Variants in MCU observed in about 807,000 individuals in gnomAD.
MCU encodes calcium uniporter protein, mitochondrial.
Under a neutral mutation model 45.2 loss-of-function variants are expected in MCU, and 12 were observed. That is an observed-to-expected ratio of 0.27 (90% CI 0.17 to 0.43). MCU has a LOEUF of 0.43. Ranked by LOEUF, MCU falls within the 20% of genes least tolerant of loss-of-function variation. The probability of loss-of-function intolerance (pLI) is 1.00; values close to 1 mark genes in which losing one functional copy is unlikely to be tolerated. For synonymous variants in MCU, 160 were observed against 165.1 expected (o/e 0.97, Z 0.24); for missense variants, 324 against 436.7 (o/e 0.74, Z 2.30).
chr10:72,820,730 T>A (rs1364646422), intron 1 of MCU, among the ~76,000 whole-genome samples: 1 of 152,176 alleles, frequency 6.6e-6, no homozygotes, highest in Non-Finnish European at 1.5e-5. Context: ...CAGGCTGGTC[T>A]CGAACTCCTG....
Position 72,804,071 on chromosome 10 carries a change from TATAA to T in MCU, c.151-30286_151-30283del, listed in dbSNP as rs1184112521. 6.7e-4 allele frequency among the ~76,000 whole-genome samples: 40 copies of T among 59,404 alleles called. 5 individuals are homozygous for T. Among genetic ancestry groups the T allele is most frequent in the African/African-American group, 2.6e-3 (32 of 12,282 alleles). 39.0% of individuals were successfully genotyped at this position (59,404 alleles called of 152,430 possible). ...ATATATATATATATATATATATATA[TATAA>T]AATAAGAGTGCCAACAATTTACATT... On this transcript the variant is annotated intron_variant, in intron 1 of 7. Transcript: ENST00000373053.
At chr10:72,835,223 A>T (rs2132835897) in intron 2 of MCU, among the ~76,000 whole-genome samples, 1 of 152,290 alleles carries the variant, frequency 6.6e-6, no homozygotes, top group Middle Eastern at 3.4e-3. Context: ...TCCTTCGTAA[A>T]TGTCTATGAT....
intron 6 of MCU, among the ~76,000 whole-genome samples, chr10:72,872,518 T>C (rs1281954733): frequency 1.3e-5 from 2 of 152,286 alleles, no homozygotes; most frequent in South Asian, 2.1e-4. Flanking sequence ...CATGTGGTAG[T>C]TGTCTTTCTG....
rs375418775 is a variant in MCU, at chr10:72,860,177, A to G, written c.392-246A>G. ...ATTTCCAATGTACACCTATAGAACT[A>G]TGACCATTAATTATTTCACTTGTTC... On this transcript the variant is annotated intron_variant, in intron 3 of 7. Coordinates refer to ENST00000373053, the MANE Select transcript of MCU (RefSeq NM_138357.3). The G allele has an allele frequency of 3.6e-3, 1,626 of 446,022 alleles. 39 individuals are homozygous for G. The South Asian group carries it at 0.037, about 10-fold the overall frequency. The allele number at this position is 446,022 out of a possible 1,614,324, so 27.6% of individuals were successfully genotyped here. A position where few individuals can be genotyped will look rare whatever the true frequency, so the allele number is the denominator to read the frequency against.
chr10:72,784,783 C>T (rs1279681297), intron 1 of MCU, among the ~76,000 whole-genome samples: 1 of 152,172 alleles, frequency 6.6e-6, no homozygotes, highest in Non-Finnish European at 1.5e-5. Context: ...AGTTGCAGAG[C>T]AGCTTTGCCT....
At chr10:72,805,145 TTCTTTCTTTC>T (rs1372482799) in intron 1 of MCU, among the ~76,000 whole-genome samples, 2 of 139,488 alleles carry the variant, frequency 1.4e-5, no homozygotes, top group East Asian at 2.2e-4. Context: ...CTTTCTTTCT[TTCTTTCTTTC>T]TTTCTGTCTC....
At chr10:72,734,596 G>A (rs922117713) in intron 1 of MCU, among the ~76,000 whole-genome samples, 2 of 152,006 alleles carry the variant, frequency 1.3e-5, no homozygotes, top group African/African-American at 4.8e-5. Flanking sequence ...TTGAACCAAG[G>A]TTTTAATAAT....
At chr10:72,783,639 G>A (rs1844028597) in intron 1 of MCU, among the ~76,000 whole-genome samples, 1 of 152,150 alleles carries the variant, frequency 6.6e-6, no homozygotes, top group Non-Finnish European at 1.5e-5. Context: ...GGATTTTGTT[G>A]GGGGGAGCTG....
intron 2 of MCU, among the ~76,000 whole-genome samples, chr10:72,858,906 T>C (rs886276504): frequency 6.6e-6 from 1 of 152,158 alleles, no homozygotes; most frequent in African/African-American, 2.4e-5. Context: ...TCACCTGATA[T>C]CCTTGGGAAA....
At chr10:72,826,624 G>T (rs1335101869) in intron 1 of MCU, among the ~76,000 whole-genome samples, 2 of 152,158 alleles carry the variant, frequency 1.3e-5, no homozygotes, top group Non-Finnish European at 2.9e-5. Flanking sequence ...GCAGCCAAAT[G>T]AAGTTCTATT....
chr10:72,858,746 AAG>A (rs924180341), intron 2 of MCU, among the ~76,000 whole-genome samples: 1 of 152,180 alleles, frequency 6.6e-6, no homozygotes, highest in African/African-American at 2.4e-5. Context: ...GTTTTGGAGT[AAG>A]AGTCTCACTT....
intron 2 of MCU, among the ~76,000 whole-genome samples, chr10:72,850,591 T>C (rs1162338502): frequency 6.6e-6 from 1 of 152,238 alleles, no homozygotes; most frequent in Non-Finnish European, 1.5e-5. Flanking sequence ...ACTGTTTTTT[T>C]CAACTCCTGA....
rs567356638 is a variant in MCU at position 72,832,163 on chromosome 10, G to C, written c.151-2196G>C. On this transcript the variant is annotated intron_variant, in intron 1 of 7. Coordinates refer to ENST00000373053, the MANE Select transcript of MCU (RefSeq NM_138357.3). ...ATCACTGCAGCCTCTTCTAACTCCTGGGCTCAAGCAGTCCTCTCACTCAGC... is the reference window on the plus strand; with the variant it reads ...ATCACTGCAGCCTCTTCTAACTCCTCGGCTCAAGCAGTCCTCTCACTCAGC... Among the ~76,000 whole-genome samples, 3 of 152,156 alleles carry C rather than the reference G, an allele frequency of 2.0e-5. No individual in the cohort carries two copies. The East Asian group carries it at 5.8e-4, about 29-fold the overall frequency.
chr10:72,775,289 A>G (rs1353030815), intron 1 of MCU, among the ~76,000 whole-genome samples: 1 of 152,192 alleles, frequency 6.6e-6, no homozygotes, highest in Admixed American at 6.5e-5. Context: ...ATGCTCCTGA[A>G]TGACCAATGG....
At chr10:72,742,193 G>T (rs977375970) in intron 1 of MCU, among the ~76,000 whole-genome samples, 1 of 152,120 alleles carries the variant, frequency 6.6e-6, no homozygotes, top group South Asian at 2.1e-4. Flanking sequence ...ACAGGAACAT[G>T]TTGTACAGGT....
At chr10:72,719,474 C>T (rs1406744271) in intron 1 of MCU, among the ~76,000 whole-genome samples, 1 of 152,146 alleles carries the variant, frequency 6.6e-6, no homozygotes, top group African/African-American at 2.4e-5. Context: ...AAAGAATGAT[C>T]GGTCAAATAG....
At chr10:72,776,959 A>G (rs1055121130) in intron 1 of MCU, among the ~76,000 whole-genome samples, 1 of 152,234 alleles carries the variant, frequency 6.6e-6, no homozygotes, top group Non-Finnish European at 1.5e-5. Flanking sequence ...AAGCAATCCC[A>G]CTTATAATAG....
intron 1 of MCU, among the ~76,000 whole-genome samples, chr10:72,717,554 C>T (rs1842969939): frequency 6.6e-6 from 1 of 152,070 alleles, no homozygotes; most frequent in South Asian, 2.1e-4. Flanking sequence ...CCACTGTGCC[C>T]AGCCGGGATT....
At chr10:72,759,930 G>A (rs1442232504) in intron 1 of MCU, among the ~76,000 whole-genome samples, 2 of 152,160 alleles carry the variant, frequency 1.3e-5, no homozygotes, top group African/African-American at 4.8e-5. Context: ...CTAGCCTCTA[G>A]AACTGTGAGA....
Sources: gnomAD v4.1 joint callset for allele counts (sites outside exome capture counted in the v4.1 genomes callset) on GRCh38, gnomAD v4.1.1 for gene constraint, MANE v1.5 for transcripts, NCBI Gene and HGNC (gene_info 2026-07-23, HGNC 2026-07-21) for gene names.